The following BMP6 variants were observed in gnomAD, a reference collection of about 807,000 sequenced individuals.
BMP6 encodes bone morphogenetic protein 6.
In BMP6, 17 loss-of-function variants were observed where a neutral mutation model predicts 54.1. The observed-to-expected ratio is 0.31, with a 90% CI of 0.22 to 0.47. The LOEUF is 0.47. Among genes scored for constraint, BMP6 ranks in the 20% least tolerant of loss-of-function variants. BMP6 has a pLI of 1.00. For missense variants in BMP6, 720 were observed against 690.4 expected (o/e 1.04, Z -0.48); for synonymous variants, 328 against 291.2 (o/e 1.13, Z -1.28).
chr6:7,857,417 GAGTT>G (rs1250033274), intron 2 of BMP6, among the ~76,000 whole-genome samples: 3 of 152,208 alleles, frequency 2.0e-5, no homozygotes, highest in Non-Finnish European at 2.9e-5. Flanking sequence ...TGTAGGGTCT[GAGTT>G]AGTTGAGAAC....
intron 1 of BMP6, among the ~76,000 whole-genome samples, chr6:7,798,893 G>A (rs1441490225): frequency 6.6e-6 from 1 of 152,210 alleles, no homozygotes; most frequent in African/African-American, 2.4e-5. Flanking sequence ...CCAGACGCCA[G>A]AGTGATACAG....
At chr6:7,878,041 G>A (rs759483225) in intron 4 of BMP6, among the ~76,000 whole-genome samples, 2 of 151,956 alleles carry the variant, frequency 1.3e-5, no homozygotes, top group African/African-American at 2.4e-5. Flanking sequence ...TATCTCATCC[G>A]ACCCTGCTTG....
At chr6:7,842,017 T>G (rs966931713) in intron 1 of BMP6, among the ~76,000 whole-genome samples, 1 of 152,176 alleles carries the variant, frequency 6.6e-6, no homozygotes, top group Non-Finnish European at 1.5e-5. Flanking sequence ...TGCACAACAC[T>G]TATCCTTAAA....
intron 1 of BMP6, among the ~76,000 whole-genome samples, chr6:7,802,292 C>T (rs1460745539): frequency 6.6e-6 from 1 of 152,118 alleles, no homozygotes; most frequent in East Asian, 1.9e-4. Context: ...TTGATGTTTT[C>T]CCTCATTCAA....
At chr6:7,753,133 G>GA (rs1757451574) in intron 1 of BMP6, among the ~76,000 whole-genome samples, 1 of 152,180 alleles carries the variant, frequency 6.6e-6, no homozygotes, top group Non-Finnish European at 1.5e-5. Context: ...AACATTTTAA[G>GA]TAATGTTTAT....
chr6:7,778,442 G>A (rs1018512181), intron 1 of BMP6, among the ~76,000 whole-genome samples: 1 of 151,274 alleles, frequency 6.6e-6, no homozygotes, highest in Non-Finnish European at 1.5e-5. Flanking sequence ...CTTGCCCGAA[G>A]TCACACAGCC....
At chr6:7,851,548 T>C (rs1009871029) in intron 2 of BMP6, among the ~76,000 whole-genome samples, 5 of 152,156 alleles carry the variant, frequency 3.3e-5, no homozygotes, top group African/African-American at 1.2e-4. Context: ...ATTTTTTCCT[T>C]TTCAATTCTA....
At chr6:7,764,935 T>G (rs1326018614) in intron 1 of BMP6, among the ~76,000 whole-genome samples, 2 of 152,216 alleles carry the variant, frequency 1.3e-5, no homozygotes, top group Non-Finnish European at 2.9e-5. Context: ...GAGGCTTCCC[T>G]TCATGCCTTC....
chr6:7,802,829 G>A (rs1017853832), intron 1 of BMP6, among the ~76,000 whole-genome samples: 1 of 152,208 alleles, frequency 6.6e-6, no homozygotes, highest in Admixed American at 6.5e-5. Context: ...GACTGAGTAG[G>A]TCTGGGGCCC....
At position 7,727,573 on chromosome 6, in the gene BMP6, C is replaced by T. The variant is rs1219252977; in HGVS notation, c.618C>T (p.Ser206=). ...GASPLTSAQD[S]AFLNDADMVM... The stretch of plus-strand genomic sequence containing the variant: ...CCCCACTGACCAGCGCGCAGGACAG[C>T]GCCTTCCTCAACGACGCGGACATGG... The change falls in exon 1 of 7, where the codon AGC becomes AGT. Residue 206 remains serine, a synonymous_variant. Transcript: ENST00000283147. 2 of 1,584,036 alleles carry T rather than the reference C, an allele frequency of 1.3e-6. No individual in the cohort carries two copies. Among genetic ancestry groups the T allele is most frequent in the Non-Finnish European group, 1.7e-6 (2 of 1,173,860 alleles).
intron 1 of BMP6, among the ~76,000 whole-genome samples, chr6:7,730,239 C>T (rs1207408810): frequency 6.6e-6 from 1 of 152,194 alleles, no homozygotes; most frequent in African/African-American, 2.4e-5. Context: ...TCAGCTAATC[C>T]TTGCTAGGGT....
intron 1 of BMP6, among the ~76,000 whole-genome samples, chr6:7,787,967 G>GC (rs1434332398): frequency 6.6e-6 from 1 of 151,880 alleles, no homozygotes; most frequent in African/African-American, 2.4e-5. Flanking sequence ...TTAAAGAAAC[G>GC]CAAGTCATTT....
intron 1 of BMP6, among the ~76,000 whole-genome samples, chr6:7,748,589 G>A (rs1036137591): frequency 1.4e-4 from 22 of 152,192 alleles, no homozygotes; most frequent in African/African-American, 5.1e-4. Flanking sequence ...GGAAAATGAA[G>A]TAGAACCCTT....
chr6:7,736,329 G>T (rs1008654408), intron 1 of BMP6, among the ~76,000 whole-genome samples: 2 of 152,126 alleles, frequency 1.3e-5, no homozygotes, highest in Non-Finnish European at 2.9e-5. Flanking sequence ...GAATGAACAA[G>T]AATTATAGGA....
chr6:7,737,152 C>T (rs1359111789), intron 1 of BMP6, among the ~76,000 whole-genome samples: 1 of 151,858 alleles, frequency 6.6e-6, no homozygotes, highest in African/African-American at 2.4e-5. Context: ...CACCACTGCA[C>T]TCCAGCCGGA....
At chr6:7,855,554 T>TCTC (rs34038709) in intron 2 of BMP6, among the ~76,000 whole-genome samples, 1 of 72,830 alleles carries the variant, frequency 1.4e-5, no homozygotes, top group African/African-American at 5.7e-5. Context: ...TCTCTCTCTC[T>TCTC]TTTTTTTTTT....
At chr6:7,727,854 C>G (rs1761772793) in intron 1 of BMP6, among the ~76,000 whole-genome samples, 1 of 151,430 alleles carries the variant, frequency 6.6e-6, no homozygotes, top group South Asian at 2.1e-4. Flanking sequence ...GGCGGCTGGC[C>G]GGCCGGGCCG....
At chr6:7,729,479 G>A (rs1247005986) in intron 1 of BMP6, among the ~76,000 whole-genome samples, 2 of 152,066 alleles carry the variant, frequency 1.3e-5, no homozygotes, top group Non-Finnish European at 2.9e-5. Flanking sequence ...ACAATTCCTG[G>A]GCTTGAACCG....
At chr6:7,754,327 T>G (rs1421890971) in intron 1 of BMP6, among the ~76,000 whole-genome samples, 2 of 152,146 alleles carry the variant, frequency 1.3e-5, no homozygotes, top group Non-Finnish European at 2.9e-5. Context: ...TGCCTAGGTC[T>G]CAAACTCCTG....
Sources: gnomAD v4.1 joint callset for allele counts (sites outside exome capture counted in the v4.1 genomes callset) on GRCh38, gnomAD v4.1.1 for gene constraint, MANE v1.5 for transcripts, NCBI Gene and HGNC (gene_info 2026-07-23, HGNC 2026-07-21) for gene names.